Variants in MAMDC2 observed in about 807,000 individuals in gnomAD.
MAMDC2 encodes MAM domain-containing protein 2.
Under a neutral mutation model 89.8 loss-of-function variants are expected in MAMDC2, and 57 were observed. The ratio of observed to expected loss-of-function variants is 0.63; its 90% CI spans 0.51 to 0.79. MAMDC2 has a LOEUF of 0.79. MAMDC2 is among the 30% of genes least tolerant of loss of function. MAMDC2 has a pLI of 0.00. For missense variants in MAMDC2, 800 were observed against 820.6 expected (o/e 0.97, Z 0.31); for synonymous variants, 313 against 293.4 (o/e 1.07, Z -0.68).
intron 4 of MAMDC2, among the ~76,000 whole-genome samples, chr9:70,111,668 A>G (rs992029391): frequency 6.6e-6 from 1 of 152,236 alleles, no homozygotes; most frequent in Admixed American, 6.5e-5. Context: ...TGAAAATCTT[A>G]GAAATGTTCA....
At chr9:70,080,906 G>T (rs1827637524) in intron 2 of MAMDC2, among the ~76,000 whole-genome samples, 1 of 152,108 alleles carries the variant, frequency 6.6e-6, no homozygotes, top group Non-Finnish European at 1.5e-5. Flanking sequence ...TACTGGTCCG[G>T]TTAGGTGCCC....
intron 9 of MAMDC2, among the ~76,000 whole-genome samples, chr9:70,160,396 A>G (rs934616399): frequency 6.6e-6 from 1 of 150,774 alleles, no homozygotes; most frequent in Non-Finnish European, 1.5e-5. Flanking sequence ...TAAAACATTA[A>G]AAATGATGTC....
At chr9:70,208,736 T>G (rs4378027) in intron 11 of MAMDC2, among the ~76,000 whole-genome samples, 129,768 of 151,584 alleles carry the variant, frequency 0.86, 55,786 homozygotes, top group East Asian at 0.96. Context: ...ATGCTTCCAG[T>G]TTTTGTCCAT....
At chr9:70,171,726 G>A (rs1169080516) in intron 11 of MAMDC2, among the ~76,000 whole-genome samples, 5 of 152,048 alleles carry the variant, frequency 3.3e-5, no homozygotes, top group East Asian at 3.9e-4. Flanking sequence ...GTTTCTTATG[G>A]TCTAACTTGG....
chr9:70,099,761 G>A (rs921052351), intron 2 of MAMDC2, among the ~76,000 whole-genome samples: 2 of 152,042 alleles, frequency 1.3e-5, no homozygotes, highest in African/African-American at 4.8e-5. Flanking sequence ...GATCACCTGA[G>A]GTCAGTAGTT....
intron 11 of MAMDC2, among the ~76,000 whole-genome samples, chr9:70,192,195 CTGA>C (rs2118604325): frequency 1.3e-5 from 2 of 152,196 alleles, no homozygotes; most frequent in Admixed American, 1.3e-4. Context: ...GGAAATCTCT[CTGA>C]TAACTTCAAA....
chr9:70,070,395 G>A (rs1385303366), intron 2 of MAMDC2, among the ~76,000 whole-genome samples: 1 of 152,102 alleles, frequency 6.6e-6, no homozygotes, highest in Non-Finnish European at 1.5e-5. Context: ...TTTGGAGAGC[G>A]GAGTTTCCTT....
rs372124343 is a variant in MAMDC2 at position 70,168,524 on chromosome 9, G to T, written c.1405-178G>T. ...AACAATAATAATAAAAGTAATTCCA[G>T]GGTTTTATGCAGATGGTAACCATTC... On this transcript the variant is annotated intron_variant, in intron 9 of 13. Coordinates refer to ENST00000377182, the MANE Select transcript of MAMDC2 (RefSeq NM_153267.5). The T allele has an allele frequency of 3.4e-5, 19 of 555,352 alleles. No homozygotes were observed. The South Asian group carries it at 4.0e-4, about 12-fold the overall frequency. The allele number at this position is 555,352 out of a possible 1,614,324, so 34.4% of individuals were successfully genotyped here. A position where few individuals can be genotyped will look rare whatever the true frequency, so the allele number is the denominator to read the frequency against.
chr9:70,139,428 T>C (rs940279411), intron 7 of MAMDC2, among the ~76,000 whole-genome samples: 1 of 151,418 alleles, frequency 6.6e-6, no homozygotes. Context: ...ATTTCATCCA[T>C]GTCCCTACAA....
chr9:70,164,964 TATA>T lies in MAMDC2; in HGVS notation c.1405-3734_1405-3732del, dbSNP rs566489976. On this transcript the variant is annotated intron_variant, in intron 9 of 13. Coordinates refer to ENST00000377182, the MANE Select transcript of MAMDC2 (RefSeq NM_153267.5). ...AATTAATATTTAATTTAATATTTAA[TATA>T]ATATTTAATATTTAAGAGGGTATGG... 2.8e-3 allele frequency among the ~76,000 whole-genome samples: 400 copies of T among 142,392 alleles called. 1 individual carries two copies. Among genetic ancestry groups the T allele is most frequent in the African/African-American group, 9.8e-3 (381 of 39,012 alleles). The allele number at this position is 142,392 out of a possible 152,430, so 93.4% of individuals were successfully genotyped here.
At position 70,126,166 on chromosome 9, in the gene MAMDC2, C is replaced by T. The variant is rs2030534006; in HGVS notation, c.651C>T (p.Tyr217=). The T allele has an allele frequency of 1.2e-6, 2 of 1,611,088 alleles. No individual in the cohort carries two copies. Among genetic ancestry groups the T allele is most frequent in the Admixed American group, 1.7e-5 (1 of 59,900 alleles). ...TGTCTGTGTGATTTTCAGGCCACTA[C>T]ATGTACGTGGACTCAGTTTATGTGA... is the stretch of plus-strand genomic sequence containing the variant. The part of the protein sequence containing the change: ...DHTFKSELGH[Y]MYVDSVYVKH... Residue 217 remains tyrosine (Y), a synonymous_variant, in exon 6 of 14, where the codon TAC becomes TAT. Coordinates refer to ENST00000377182, the MANE Select transcript of MAMDC2 (RefSeq NM_153267.5).
At chr9:70,164,599 T>G (rs1029544529) in intron 9 of MAMDC2, among the ~76,000 whole-genome samples, 4 of 152,164 alleles carry the variant, frequency 2.6e-5, no homozygotes, top group African/African-American at 9.7e-5. Flanking sequence ...AATACCTTTC[T>G]AAGGGATATC....
chr9:70,141,110 TCTACCAGC>T (rs2031202466), intron 8 of MAMDC2, among the ~76,000 whole-genome samples: 1 of 152,196 alleles, frequency 6.6e-6, no homozygotes, highest in East Asian at 1.9e-4. Flanking sequence ...GCCCCTGCCT[TCTACCAGC>T]CTGAGAAAGG....
At chr9:70,169,948 C>G (rs1176100936) in intron 10 of MAMDC2, 1 of 152,324 alleles carries the variant, frequency 6.6e-6, no homozygotes, top group African/African-American at 2.4e-5. Flanking sequence ...CATCAATATT[C>G]CCACATTAGA....
intron 9 of MAMDC2, among the ~76,000 whole-genome samples, chr9:70,149,352 T>TGAAGGAAAG (rs1241770430): frequency 8.0e-4 from 121 of 152,082 alleles, no homozygotes; most frequent in African/African-American, 2.6e-3. Flanking sequence ...GGATCACCAC[T>TGAAGGAAAG]GAAGGAAAGG....
intron 5 of MAMDC2, among the ~76,000 whole-genome samples, chr9:70,114,351 G>A (rs183107928): frequency 2.0e-5 from 3 of 150,132 alleles, no homozygotes; most frequent in East Asian, 3.9e-4. Flanking sequence ...ATGTAAGCCC[G>A]GGTTGCCAGA....
chr9:70,134,230 A>T (rs918249409), intron 7 of MAMDC2, among the ~76,000 whole-genome samples: 1 of 151,850 alleles, frequency 6.6e-6, no homozygotes, highest in African/African-American at 2.4e-5. Context: ...CGGACCTGAG[A>T]CCCATCTCAT....
chr9:70,186,270 T>C (rs947788389), intron 11 of MAMDC2, among the ~76,000 whole-genome samples: 3 of 152,200 alleles, frequency 2.0e-5, no homozygotes, highest in Admixed American at 2.0e-4. Flanking sequence ...TGTTTTTCTT[T>C]TGCTAGAATA....
At position 70,099,237 on chromosome 9, in the gene MAMDC2, T is replaced by A. The variant is rs1587468552; in HGVS notation, c.149-8974T>A. Among the ~76,000 whole-genome samples, 5 of 152,224 alleles carry A rather than the reference T, an allele frequency of 3.3e-5. No homozygotes were observed. The South Asian group carries it at 1.0e-3, about 31-fold the overall frequency. ...CTCAGATATTAATAGTCCCAAAGAT[T>A]AAAAAATCATTTTACATTTAAGGAG... On this transcript the variant is annotated intron_variant, in intron 2 of 13. Transcript: ENST00000377182.
Sources: gnomAD v4.1 joint callset for allele counts (sites outside exome capture counted in the v4.1 genomes callset) on GRCh38, gnomAD v4.1.1 for gene constraint, MANE v1.5 for transcripts, NCBI Gene and HGNC (gene_info 2026-07-23, HGNC 2026-07-21) for gene names.